Variants in EZR observed in about 807,000 individuals in gnomAD.
EZR encodes cytovillin 2.
A neutral mutation model predicts 74.8 loss-of-function variants in EZR; 40 were observed. The observed-to-expected ratio is 0.53, with a 90% CI of 0.42 to 0.70. The LOEUF is 0.70. Among genes scored for constraint, EZR ranks in the 30% least tolerant of loss-of-function variants. The pLI is 0.00. For synonymous variants in EZR, 341 were observed against 283.3 expected (o/e 1.20, Z -2.05); for missense variants, 678 against 755.8 (o/e 0.90, Z 1.21).
intron 7 of EZR, among the ~76,000 whole-genome samples, chr6:158,780,519 C>A (rs557017017): frequency 6.6e-6 from 1 of 152,094 alleles, no homozygotes; most frequent in Non-Finnish European, 1.5e-5. Flanking sequence ...AGTACCTATC[C>A]GCAAGGAATT....
At chr6:158,775,291 C>T (rs1229286888) in intron 8 of EZR, among the ~76,000 whole-genome samples, 1 of 152,180 alleles carries the variant, frequency 6.6e-6, no homozygotes, top group Non-Finnish European at 1.5e-5. Context: ...CTCAGCCTCC[C>T]AAGGTCCTGG....
Position 158,771,247 on chromosome 6 carries a change from T to C in EZR, c.956A>G (p.Glu319Gly). The C allele has an allele frequency of 6.2e-7, 1 of 1,611,894 alleles. No individual in the cohort carries two copies. The highest frequency in any genetic ancestry group is 8.5e-7 in the Non-Finnish European group (1 of 1,178,924). Residue 319 changes from glutamate to glycine, a missense_variant, in exon 9 of 14, where the codon GAG becomes GGG. Around this residue, in one of 3 missense-constraint regions of EZR, gnomAD observed 119 missense variants for 182.3 expected, o/e 0.65. Transcript: ENST00000367075. ...AREEKHQKQLERQQLETEKKR... is the reference protein window; with the variant it reads ...AREEKHQKQLGRQQLETEKKR... ...CACTCTGGCCTCACGCGCTCACCGC[T>C]CCAGCTGCTTCTGATGCTTCTCCTC...
At position 158,766,422 on chromosome 6, in the gene EZR, T is replaced by C; in HGVS notation, c.*492A>G. On this transcript the variant is annotated 3_prime_UTR_variant, in exon 14 of 14. Coordinates refer to ENST00000367075, the MANE Select transcript of EZR (RefSeq NM_001111077.2). ...GAGGGAATCACTGTGTGTGCGAGAG[T>C]GCTTCAGACTCAATTTCCAAAATAA... 6.5e-6 allele frequency: 1 copy of C among 153,204 alleles called. No homozygotes were observed. The highest frequency in any genetic ancestry group is 1.9e-4 in the East Asian group (1 of 5,192). 9.5% of individuals were successfully genotyped at this position (153,204 alleles called of 1,614,324 possible). A position where few individuals can be genotyped will look rare whatever the true frequency, so the allele number is the denominator to read the frequency against.
In EZR at chr6:158,806,021, GC is replaced by G. The variant is rs1167167391; in HGVS notation, c.12+12060del. On this transcript the variant is annotated intron_variant, in intron 2 of 13. Coordinates refer to ENST00000367075, the MANE Select transcript of EZR (RefSeq NM_001111077.2). ...GTTCCCAGTTGGGTCACAGCACTGT[GC>G]CCCATTCCTATGGGCCCCCCAAAAC... 3.3e-5 allele frequency among the ~76,000 whole-genome samples: 5 copies of G among 152,340 alleles called. No individual in the cohort carries two copies. In the East Asian group the frequency reaches 9.6e-4, roughly 29 times the overall value.
intron 2 of EZR, among the ~76,000 whole-genome samples, chr6:158,803,775 T>G (rs1777270276): frequency 6.6e-6 from 1 of 151,026 alleles, no homozygotes; most frequent in African/African-American, 2.4e-5. Flanking sequence ...AGTAAGCCAC[T>G]TCCTGCCCCT....
chr6:158,804,701 T>C (rs1777292256), intron 2 of EZR, among the ~76,000 whole-genome samples: 1 of 151,310 alleles, frequency 6.6e-6, no homozygotes, highest in Non-Finnish European at 1.5e-5. Context: ...ACTATTCACC[T>C]GGAATGCATG....
At chr6:158,790,155 G>A (rs1791697870) in intron 2 of EZR, among the ~76,000 whole-genome samples, 1 of 152,154 alleles carries the variant, frequency 6.6e-6, no homozygotes, top group Non-Finnish European at 1.5e-5. Flanking sequence ...ATTATGTAGT[G>A]ATATTAAATT....
chr6:158,785,701 T>C, intron 4 of EZR, 118 bp from the exon 5 acceptor site: 5 of 1,300,400 alleles, frequency 3.8e-6, no homozygotes, highest in Non-Finnish European at 5.3e-6. Flanking sequence ...AGGAGATATT[T>C]ATTCTTAAAG....
chr6:158,817,979 A>T, intron 2 of EZR, 103 bp downstream of exon 2: 1 of 1,168,478 alleles, frequency 8.6e-7, no homozygotes, highest in East Asian at 2.6e-5. Flanking sequence ...TGCGTGTGAG[A>T]AGAACCCTGT....
intron 9 of EZR, 137 bp downstream of exon 9, chr6:158,771,107 G>C: frequency 7.2e-7 from 1 of 1,379,950 alleles, no homozygotes; most frequent in South Asian, 1.4e-5. Flanking sequence ...CAAAGGCCTC[G>C]AAGATCCCAG....
intron 7 of EZR, among the ~76,000 whole-genome samples, chr6:158,778,864 T>C (rs577025190): frequency 6.6e-6 from 1 of 152,200 alleles, no homozygotes; most frequent in African/African-American, 2.4e-5. Context: ...CATATTAATA[T>C]AACTGAATAA....
At position 158,774,553 on chromosome 6, in the gene EZR, G is replaced by A. The variant is rs183933530; in HGVS notation, c.795+1855C>T. Among the ~76,000 whole-genome samples the A allele has an allele frequency of 1.3e-4, 19 of 151,780 alleles. No homozygotes were observed. The East Asian group carries it at 2.9e-3, about 23-fold the overall frequency. On this transcript the variant is annotated intron_variant, in intron 8 of 13. Coordinates refer to ENST00000367075, the MANE Select transcript of EZR (RefSeq NM_001111077.2). Reference sequence around the variant, plus strand: ...CGAATGTTTCTTTTGCTTACGAGATGGCTTCACATGAGGCTACTCTATAAT... The same window carrying A: ...CGAATGTTTCTTTTGCTTACGAGATAGCTTCACATGAGGCTACTCTATAAT...
chr6:158,780,730 CTAGTTTTTGT>C (rs571762447), intron 7 of EZR, among the ~76,000 whole-genome samples: 277 of 152,282 alleles, frequency 1.8e-3, no homozygotes, highest in African/African-American at 6.3e-3. Flanking sequence ...TCAGGTTCCT[CTAGTTTTTGT>C]TAGTTTTTGT....
intron 7 of EZR, among the ~76,000 whole-genome samples, chr6:158,780,388 T>A (rs1791404427): frequency 6.6e-6 from 1 of 152,196 alleles, no homozygotes; most frequent in Admixed American, 6.5e-5. Context: ...GTATATCATA[T>A]GCACTTTCAT....
intron 2 of EZR, 79 bp from the exon 3 acceptor site, chr6:158,789,450 C>G (rs1791675871): frequency 3.0e-6 from 4 of 1,312,296 alleles, no homozygotes; most frequent in Non-Finnish European, 4.4e-6. Flanking sequence ...TCTACATAAG[C>G]TGCTCCTCAG....
intron 7 of EZR, among the ~76,000 whole-genome samples, chr6:158,779,276 A>G (rs1468019769): frequency 6.6e-6 from 1 of 152,226 alleles, no homozygotes; most frequent in Non-Finnish European, 1.5e-5. Flanking sequence ...GTACTCTTCA[A>G]AAATACCAAG....
chr6:158,808,578 A>AC (rs765023550), intron 2 of EZR, among the ~76,000 whole-genome samples: 13 of 152,240 alleles, frequency 8.5e-5, no homozygotes, highest in Non-Finnish European at 1.8e-4. Flanking sequence ...TACAAGTGGA[A>AC]CCGCACAGCC....
At chr6:158,793,718 C>G (rs1214511308) in intron 2 of EZR, among the ~76,000 whole-genome samples, 1 of 152,134 alleles carries the variant, frequency 6.6e-6, no homozygotes, top group Non-Finnish European at 1.5e-5. Flanking sequence ...GCAACCCCAT[C>G]CACACACACA....
rs1790772530 is a variant in EZR, at chr6:158,766,042, AATC to A, written c.*869_*871del. The A allele has an allele frequency of 6.6e-6, 1 of 152,618 alleles. No homozygotes were observed. Among genetic ancestry groups the A allele is most frequent in the South Asian group, 2.1e-4 (1 of 4,836 alleles). 9.5% of individuals were successfully genotyped at this position (152,618 alleles called of 1,614,324 possible). On this transcript the variant is annotated 3_prime_UTR_variant, in exon 14 of 14. Coordinates refer to ENST00000367075, the MANE Select transcript of EZR (RefSeq NM_001111077.2). Reference sequence around the variant, plus strand: ...ATTACATGCATAAAACACTAATAATAATCCTGTTTACACGTGACTGCAGCAGGC... The same window carrying A: ...ATTACATGCATAAAACACTAATAATACTGTTTACACGTGACTGCAGCAGGC...
Sources: allele counts gnomAD v4.1 joint callset (sites outside exome capture counted in the v4.1 genomes callset), GRCh38; gene constraint gnomAD v4.1.1; regional missense constraint gnomAD v4.1.1; transcripts MANE v1.5; gene names NCBI Gene and HGNC (gene_info 2026-07-23, HGNC 2026-07-21).